Variants in PTPN21 observed in about 807,000 individuals in gnomAD.
The protein encoded by PTPN21 is protein tyrosine phosphatase non-receptor type 21.
Under a neutral mutation model 131.8 loss-of-function variants are expected in PTPN21, and 77 were observed. The observed-to-expected ratio is 0.58, with a 90% CI of 0.49 to 0.71. The LOEUF (loss-of-function observed/expected upper bound fraction) is 0.71, where lower values mean the gene tolerates loss of function less well. PTPN21 is among the 30% of genes least tolerant of loss of function. PTPN21 has a pLI of 0.00. For missense variants in PTPN21, 1,552 were observed against 1,527.1 expected (o/e 1.02, Z -0.27); for synonymous variants, 715 against 621.3 (o/e 1.15, Z -2.24).
At chr14:88,500,742 A>C (rs762802929) in intron 8 of PTPN21, 41 bp downstream of exon 8, 21 of 1,335,322 alleles carry the variant, frequency 1.6e-5, no homozygotes, top group Non-Finnish European at 5.4e-6. Flanking sequence ...TATCACCAAC[A>C]GGAGCCATAG....
intron 3 of PTPN21, among the ~76,000 whole-genome samples, chr14:88,513,334 T>A (rs1016596874): frequency 9.2e-5 from 14 of 152,122 alleles, no homozygotes; most frequent in African/African-American, 3.1e-4. Context: ...TCGGCTCATT[T>A]TTGTATTTTT....
chr14:88,499,172 G>A (rs1026545635), intron 8 of PTPN21, among the ~76,000 whole-genome samples: 1 of 152,120 alleles, frequency 6.6e-6, no homozygotes, highest in Non-Finnish European at 1.5e-5. Flanking sequence ...TAAGTGGCTT[G>A]GGGACGAGAG....
chr14:88,502,210 G>A (rs1187595617), intron 6 of PTPN21, among the ~76,000 whole-genome samples: 1 of 152,022 alleles, frequency 6.6e-6, no homozygotes, highest in Non-Finnish European at 1.5e-5. Flanking sequence ...TGTCCTCAAG[G>A]CACCCACACT....
intron 2 of PTPN21, among the ~76,000 whole-genome samples, chr14:88,538,176 A>G (rs1381163005): frequency 6.6e-6 from 1 of 152,224 alleles, no homozygotes; most frequent in African/African-American, 2.4e-5. Context: ...CACATAACCA[A>G]AGATAAACTA....
chr14:88,497,913 C>A (rs1414261724), intron 8 of PTPN21, among the ~76,000 whole-genome samples: 1 of 152,040 alleles, frequency 6.6e-6, no homozygotes, highest in Non-Finnish European at 1.5e-5. Context: ...TCCTGGCCAA[C>A]ATGGTGAAAC....
chr14:88,539,050 T>A (rs2078667428), intron 2 of PTPN21, among the ~76,000 whole-genome samples: 1 of 152,120 alleles, frequency 6.6e-6, no homozygotes, highest in Admixed American at 6.6e-5. Context: ...CTTCCTTCAC[T>A]AATAGGATTC....
At chr14:88,522,102 C>T (rs1422139945) in intron 2 of PTPN21, among the ~76,000 whole-genome samples, 1 of 152,044 alleles carries the variant, frequency 6.6e-6, no homozygotes, top group African/African-American at 2.4e-5. Flanking sequence ...GTAGCGAGAA[C>T]TTTATCTAAA....
intron 10 of PTPN21, among the ~76,000 whole-genome samples, chr14:88,486,863 C>T (rs757652459): frequency 6.6e-5 from 10 of 151,440 alleles, no homozygotes; most frequent in Non-Finnish European, 1.5e-4. Context: ...ATAATCCCAG[C>T]TACTCGGGAG....
At chr14:88,521,565 A>AC (rs1415587286) in intron 2 of PTPN21, among the ~76,000 whole-genome samples, 16 of 59,648 alleles carry the variant, frequency 2.7e-4, no homozygotes, top group African/African-American at 6.4e-4. Flanking sequence ...ACCACGCCCA[A>AC]CTTTTTTTTT....
At position 88,469,836 on chromosome 14, in the gene PTPN21, T is replaced by C; in HGVS notation, c.3000+86A>G. The C allele has an allele frequency of 1.2e-6, 2 of 1,606,002 alleles. No homozygotes were observed. Among genetic ancestry groups the C allele is most frequent in the Non-Finnish European group, 1.7e-6 (2 of 1,172,840 alleles). On this transcript the variant is annotated intron_variant, in intron 16 of 18. Coordinates refer to ENST00000556564, the MANE Select transcript of PTPN21 (RefSeq NM_007039.4). This position sits in a 1 kb window ranked among gnomAD's most constrained non-coding sequence, Gnocchi z 4.3. ...CAGAACCACAACCCTACCCTGCCTT[T>C]TTCTCCACAGGTCAGGATTCCAGAT...
chr14:88,525,832 GT>G (rs1455906847), intron 2 of PTPN21, among the ~76,000 whole-genome samples: 2 of 152,298 alleles, frequency 1.3e-5, no homozygotes, highest in East Asian at 3.9e-4. Flanking sequence ...GGATAAACAA[GT>G]TTGTGGTGTA....
intron 10 of PTPN21, among the ~76,000 whole-genome samples, chr14:88,488,646 C>G (rs1442525552): frequency 1.3e-5 from 2 of 152,046 alleles, no homozygotes; most frequent in African/African-American, 4.8e-5. Flanking sequence ...CCAAAGAAGA[C>G]AAAATAAAAA....
chr14:88,474,633 G>A (rs961296808), intron 13 of PTPN21, among the ~76,000 whole-genome samples: 1 of 151,942 alleles, frequency 6.6e-6, no homozygotes, highest in Non-Finnish European at 1.5e-5. Flanking sequence ...GTTAGATCAC[G>A]CTACCTCTCA....
In PTPN21 at chr14:88,550,428, C is replaced by T. The variant is rs770687990; in HGVS notation, c.-11G>A. The T allele has an allele frequency of 3.1e-6, 5 of 1,611,874 alleles. No homozygotes were observed. Among genetic ancestry groups the T allele is most frequent in the Non-Finnish European group, 4.2e-6 (5 of 1,178,590 alleles). On this transcript the variant is annotated 5_prime_UTR_variant, in exon 2 of 19. Coordinates refer to ENST00000556564, the MANE Select transcript of PTPN21 (RefSeq NM_007039.4). ...AAATGGCAGTGGCATCTTCTTCTTT[C>T]TTCAAGAATGGAGGAGCAAAGAGGG...
Position 88,478,947 on chromosome 14 carries a change from G to C in PTPN21, c.2484C>G (p.Asn828Lys), listed in dbSNP as rs2077588847. ...PVSDLLSGKK[N>K]IVEGLPPLGG... ...CTAGAGGCGGGAGCCCTTCCACGAT[G>C]TTCTTCTTCCCAGAGAGAAGGTCCG... is the stretch of plus-strand genomic sequence containing the variant. Residue 828 changes from asparagine to lysine, a missense_variant, in exon 13 of 19, where the codon AAC becomes AAG. Asn to Lys is a moderately conservative substitution (Grantham distance 94). Transcript: ENST00000556564. 1 of 1,518,378 alleles carries C rather than the reference G, an allele frequency of 6.6e-7. No homozygotes were observed. The highest frequency in any genetic ancestry group is 1.4e-5 in the African/African-American group (1 of 71,110). 94.1% of individuals were successfully genotyped at this position (1,518,378 alleles called of 1,614,324 possible).
At chr14:88,547,297 GAAA>G (rs11299114) in intron 2 of PTPN21, among the ~76,000 whole-genome samples, 3 of 139,470 alleles carry the variant, frequency 2.2e-5, no homozygotes, top group Non-Finnish European at 4.6e-5. Context: ...ACCATAATAG[GAAA>G]AAAAAAAAAA....
chr14:88,504,448 C>T lies in PTPN21; in HGVS notation c.564G>A (p.Val188=). ...EKVLEEATQK[V]ALLHQKYRGL... The stretch of plus-strand genomic sequence containing the variant: ...ACCTGTATTTCTGATGTAGTAAGGC[C>T]ACTTTTTGGGTTGCTTCTTCCAATA... The change falls in exon 6 of 19, where the codon GTG becomes GTA. Residue 188 remains valine, a synonymous_variant. Coordinates refer to ENST00000556564, the MANE Select transcript of PTPN21 (RefSeq NM_007039.4). The T allele has an allele frequency of 6.2e-7, 1 of 1,612,046 alleles. No individual in the cohort carries two copies. Among genetic ancestry groups the T allele is most frequent in the Non-Finnish European group, 8.5e-7 (1 of 1,178,288 alleles).
chr14:88,546,251 G>A (rs2078777848), intron 2 of PTPN21, among the ~76,000 whole-genome samples: 1 of 151,676 alleles, frequency 6.6e-6, no homozygotes, highest in Non-Finnish European at 1.5e-5. Flanking sequence ...ATACTATTGT[G>A]CGGCCCTTGT....
At position 88,550,460 on chromosome 14, in the gene PTPN21, TACCCCCACCAACCCAGCG is replaced by T; in HGVS notation, c.-61_-44del. Reference sequence around the variant, plus strand: ...AATGGAGGAGCAAAGAGGGAAAAGCTACCCCCACCAACCCAGCGCTGGTGACGCCAGGAGAAAGCGATC... The same window carrying T: ...AATGGAGGAGCAAAGAGGGAAAAGCTCTGGTGACGCCAGGAGAAAGCGATC... On this transcript the variant is annotated 5_prime_UTR_variant, in exon 2 of 19. Coordinates refer to ENST00000556564, the MANE Select transcript of PTPN21 (RefSeq NM_007039.4). 6.3e-7 allele frequency: 1 copy of T among 1,575,482 alleles called. No homozygotes were observed. The highest frequency in any genetic ancestry group is 1.1e-5 in the South Asian group (1 of 87,124).
Sources: allele counts gnomAD v4.1 joint callset (sites outside exome capture counted in the v4.1 genomes callset), GRCh38; gene constraint gnomAD v4.1.1; non-coding constraint Gnocchi (gnomAD v3.1); transcripts MANE v1.5; gene names NCBI Gene and HGNC (gene_info 2026-07-23, HGNC 2026-07-21).